Variants in KLK13 observed in about 807,000 individuals in gnomAD.
The protein encoded by KLK13 is kallikrein-13.
In KLK13, 19 loss-of-function variants were observed where a neutral mutation model predicts 22.4. That is an observed-to-expected ratio of 0.85 (90% CI 0.59 to 1.24). KLK13 has a LOEUF of 1.24. Among genes scored for constraint, KLK13 ranks in the 50% most tolerant of loss-of-function variants. KLK13 has a pLI of 0.00. For synonymous variants in KLK13, 156 were observed against 141.8 expected, an observed-to-expected ratio of 1.10 and a Z score of -0.71; for missense variants, 311 against 347.9, an observed-to-expected ratio of 0.89 and a Z score of 0.84.
chr19:51,060,456 G>A lies in KLK13; in HGVS notation c.216C>T (p.Leu72=). The part of the protein sequence containing the change: ...GGVLVHPKWV[L]TAAHCLKEGL... ...ACTCCTTTAGACAGTGTGCGGCAGT[G>A]AGGACCCATTTGGGGTGGACCAGGA... The change falls in exon 2 of 5, where the codon CTC becomes CTT. Residue 72 remains leucine (L), a synonymous_variant. Transcript: ENST00000595793. 6.2e-7 allele frequency: 1 copy of A among 1,612,396 alleles called. No homozygotes were observed. The highest frequency in any genetic ancestry group is 8.5e-7 in the Non-Finnish European group (1 of 1,178,972).
intron 4 of KLK13, among the ~76,000 whole-genome samples, chr19:51,058,223 C>T (rs1352189560): frequency 4.6e-5 from 7 of 152,192 alleles, no homozygotes; most frequent in Non-Finnish European, 5.9e-5. Flanking sequence ...CCTGGATTTT[C>T]AGTTACAAAA....
upstream of KLK13, among the ~76,000 whole-genome samples, chr19:51,065,648 G>A (rs1205972258): frequency 3.3e-5 from 5 of 151,892 alleles, no homozygotes; most frequent in African/African-American, 1.2e-4. Context: ...CTGAGTGAGG[G>A]GCCCACGAGG....
At chr19:51,062,422 C>T (rs553574253) in intron 1 of KLK13, among the ~76,000 whole-genome samples, 4 of 152,294 alleles carry the variant, frequency 2.6e-5, no homozygotes, top group African/African-American at 9.6e-5. Context: ...TTTCTCTTCA[C>T]ATTTGTATGT....
At chr19:51,059,699 A>T in intron 3 of KLK13, 126 bp downstream of exon 3, 1 of 539,808 alleles carries the variant, frequency 1.9e-6, no homozygotes, top group Non-Finnish European at 2.8e-6. Context: ...CTTTAAATAT[A>T]TATATTTATT....
At chr19:51,064,487 C>CAAAA (rs35554667) in intron 1 of KLK13, 90 of 158,518 alleles carry the variant, frequency 5.7e-4, no homozygotes, top group South Asian at 8.5e-4. Context: ...GGTTCCATCT[C>CAAAA]AAAAAAAAAA....
chr19:51,062,879 T>A (rs2091743054), intron 1 of KLK13, among the ~76,000 whole-genome samples: 1 of 152,184 alleles, frequency 6.6e-6, no homozygotes, highest in Non-Finnish European at 1.5e-5. Flanking sequence ...CTAGCTAGTT[T>A]CCCCAACTAC....
chr19:51,060,237 C>A (rs2091714817), intron 2 of KLK13, 144 bp from the exon 3 acceptor site: 1 of 1,148,234 alleles, frequency 8.7e-7, no homozygotes, highest in Non-Finnish European at 1.2e-6. Flanking sequence ...CCATCCTCAA[C>A]TTCAATCCCA....
chr19:51,057,567 A>C (rs1276878150), intron 4 of KLK13, among the ~76,000 whole-genome samples: 1 of 152,146 alleles, frequency 6.6e-6, no homozygotes, highest in Admixed American at 6.5e-5. Context: ...TCCTGGGTTC[A>C]AATAGTCCTT....
Position 51,065,082 on chromosome 19 carries a change from G to T in KLK13, c.-15C>A, listed in dbSNP as rs1381226168. On this transcript the variant is annotated 5_prime_UTR_variant, in exon 1 of 5. Transcript: ENST00000595793. ...AGGGGCCACATGGCTCCGGGATCGG[G>T]AGGGGAGGGCAGGGCGGGCGGGGCC... 1.3e-6 allele frequency: 2 copies of T among 1,517,442 alleles called. No individual in the cohort carries two copies. The highest frequency in any genetic ancestry group is 2.0e-5 in the Admixed American group (1 of 49,172). 94.0% of individuals were successfully genotyped at this position (1,517,442 alleles called of 1,614,324 possible).
chr19:51,061,170 G>C (rs2091726966), intron 1 of KLK13, among the ~76,000 whole-genome samples: 3 of 138,502 alleles, frequency 2.2e-5, no homozygotes, highest in Non-Finnish European at 3.1e-5. Context: ...TCCATCCACT[G>C]GTCCATTTAT....
chr19:51,064,508 A>G (rs1247070077), intron 1 of KLK13: 4 of 376,122 alleles, frequency 1.1e-5, no homozygotes, highest in Non-Finnish European at 2.1e-5. Context: ...AAAAAAAAAA[A>G]AAGGAATACT....
chr19:51,060,091 C>T lies in KLK13; in HGVS notation c.242G>A (p.Gly81Glu), dbSNP rs372131850. 4 of 1,612,868 alleles carry T rather than the reference C, an allele frequency of 2.5e-6. No individual in the cohort carries two copies. In the African/African-American group the frequency reaches 4.0e-5, roughly 16 times the overall value. ...GTGCTTGCCTAGGTAAACTTTGAGC[C>T]CCCTGTGGGTGCAGAAAGAAGGTGG... ...VLTAAHCLKEGLKVYLGKHAL... is the reference protein window; with the variant it reads ...VLTAAHCLKEELKVYLGKHAL... The change falls in exon 3 of 5, where the codon GGG becomes GAG. Residue 81 changes from glycine (G) to glutamate (E), a missense_variant and splice_region_variant. By Grantham distance (98) the Gly-to-Glu change is moderately conservative. Transcript: ENST00000595793.
intron 1 of KLK13, among the ~76,000 whole-genome samples, chr19:51,064,412 C>T (rs1294094559): frequency 4.9e-5 from 7 of 143,448 alleles, no homozygotes; most frequent in East Asian, 2.2e-4. Context: ...CGCTTCAACC[C>T]GGGAGGCGGA....
rs1393136920 is a variant in KLK13 at position 51,060,477 on chromosome 19, C to G, written c.195G>C (p.Leu65=). 2 of 1,613,678 alleles carry G rather than the reference C, an allele frequency of 1.2e-6. No homozygotes were observed. The highest frequency in any genetic ancestry group is 3.3e-5 in the Admixed American group (2 of 59,972). The change falls in exon 2 of 5, where the codon CTG becomes CTC. Residue 65 remains leucine, a synonymous_variant. Transcript: ENST00000595793. Reference sequence around the variant, plus strand: ...CAGTGAGGACCCATTTGGGGTGGACCAGGACTCCCCCACAGAGTAGCCGCC... The same window carrying G: ...CAGTGAGGACCCATTTGGGGTGGACGAGGACTCCCCCACAGAGTAGCCGCC... ...VQGRLLCGGV[L]VHPKWVLTAA... is the part of the protein sequence containing the mutation.
At chr19:51,059,270 CATT>C (rs2091703326) in intron 3 of KLK13, among the ~76,000 whole-genome samples, 1 of 149,658 alleles carries the variant, frequency 6.7e-6, no homozygotes, top group South Asian at 2.1e-4. Context: ...TTAGACATTT[CATT>C]AATAACCATA....
intron 1 of KLK13, 59 bp downstream of exon 1, chr19:51,064,957 T>G (rs1434181592): frequency 2.9e-6 from 4 of 1,373,314 alleles, no homozygotes; most frequent in South Asian, 1.3e-5. Flanking sequence ...CCCTCCGGCC[T>G]GACCCCTCCT....
In KLK13 at chr19:51,065,059, G is replaced by T. The variant is rs1439599909; in HGVS notation, c.9C>A (p.Pro3=). 6 of 1,546,044 alleles carry T rather than the reference G, an allele frequency of 3.9e-6. No individual in the cohort carries two copies. Among genetic ancestry groups the T allele is most frequent in the Non-Finnish European group, 4.4e-6 (5 of 1,144,302 alleles). MW[P]LALVIASLTL... ...TCAGGGAGGCGATCACTAGGGCCAG[G>T]GGCCACATGGCTCCGGGATCGGGAG... Residue 3 remains proline (P), a synonymous_variant, in exon 1 of 5, where the codon CCC becomes CCA. Coordinates refer to ENST00000595793, the MANE Select transcript of KLK13 (RefSeq NM_015596.3).
rs200962916 is a variant in KLK13, at chr19:51,056,706, A to G, written c.715T>C (p.Cys239Arg). Residue 239 changes from cysteine (C) to arginine (R), a missense_variant, in exon 5 of 5, where the codon TGT becomes CGT. Coordinates refer to ENST00000595793, the MANE Select transcript of KLK13 (RefSeq NM_015596.3). ...ACACCAGGCCGGTCAGGTTGCCCACATGGGAAGTCTCCCCAGGAGACGATG... is the reference window on the plus strand; with the variant it reads ...ACACCAGGCCGGTCAGGTTGCCCACGTGGGAAGTCTCCCCAGGAGACGATG... ...YGIVSWGDFP[C>R]GQPDRPGVYT... 5.8e-5 allele frequency: 94 copies of G among 1,614,062 alleles called. No individual in the cohort carries two copies. Among genetic ancestry groups the G allele is most frequent in the Non-Finnish European group, 1.7e-5 (20 of 1,180,036 alleles).
rs2091720845 is a variant in KLK13 at position 51,060,578 on chromosome 19, T to A, written c.94A>T (p.Thr32Ser). ...TAGCCACCTGGGAGAAACCCACTGGTCCCATTGGTGTTGAGAACCTTGGAA... is the reference window on the plus strand; with the variant it reads ...TAGCCACCTGGGAGAAACCCACTGGACCCATTGGTGTTGAGAACCTTGGAA... ...ESSKVLNTNG[T>S]SGFLPGGYTC... Residue 32 changes from threonine (T) to serine (S), a missense_variant, in exon 2 of 5, where the codon ACC becomes TCC. By Grantham distance (58) the Thr-to-Ser change is moderately conservative (BLOSUM62 1). Transcript: ENST00000595793. 1 of 1,612,908 alleles carries A rather than the reference T, an allele frequency of 6.2e-7. No homozygotes were observed. Among genetic ancestry groups the A allele is most frequent in the African/African-American group, 1.3e-5 (1 of 74,992 alleles).
Sources: allele counts gnomAD v4.1 joint callset (sites outside exome capture counted in the v4.1 genomes callset), GRCh38; gene constraint gnomAD v4.1.1; transcripts MANE v1.5; gene names NCBI Gene and HGNC (gene_info 2026-07-23, HGNC 2026-07-21).